The following FOXP1 variants were observed in gnomAD, a reference collection of about 807,000 sequenced individuals.
FOXP1 encodes the protein forkhead box P1, also known as forkhead box protein P1.
Under a neutral mutation model 98.2 loss-of-function variants are expected in FOXP1, and 15 were observed. That is an observed-to-expected ratio of 0.15 (90% CI 0.10 to 0.24). FOXP1 has a LOEUF of 0.24. Among genes scored for constraint, FOXP1 ranks in the 10% least tolerant of loss-of-function variants. FOXP1 has a pLI of 1.00. For missense variants in FOXP1, 633 were observed against 848.5 expected (o/e 0.75, Z 3.15); for synonymous variants, 371 against 314.5 (o/e 1.18, Z -1.90).
chr3:71,095,248 T>TA (rs34794181), intron 7 of FOXP1, among the ~76,000 whole-genome samples: 3 of 152,208 alleles, frequency 2.0e-5, no homozygotes, highest in South Asian at 4.1e-4. Flanking sequence ...TAAATTGTGT[T>TA]AAAAAAAATA....
intron 7 of FOXP1, among the ~76,000 whole-genome samples, chr3:71,076,821 C>T (rs779979043): frequency 2.6e-5 from 4 of 152,168 alleles, no homozygotes; most frequent in Non-Finnish European, 5.9e-5. Flanking sequence ...GGGTCAAACA[C>T]ACATACATAG....
intron 3 of FOXP1, among the ~76,000 whole-genome samples, chr3:71,393,112 A>AATT: frequency 6.6e-6 from 1 of 152,186 alleles, no homozygotes; most frequent in East Asian, 1.9e-4. Context: ...TTTCTTATTT[A>AATT]ATTATAAAAC....
At chr3:71,387,685 G>C (rs9875797) in intron 3 of FOXP1, among the ~76,000 whole-genome samples, 5,189 of 152,296 alleles carry the variant, frequency 0.034, 307 homozygotes, top group African/African-American at 0.12. Context: ...ATATGCATGT[G>C]TGATGATTAC....
intron 13 of FOXP1, among the ~76,000 whole-genome samples, chr3:71,000,326 C>G (rs759865069): frequency 4.6e-5 from 7 of 150,992 alleles, no homozygotes; most frequent in Non-Finnish European, 1.0e-4. Flanking sequence ...TATATACACT[C>G]TACATTAATA....
chr3:71,072,969 T>C (rs928517080), intron 7 of FOXP1, among the ~76,000 whole-genome samples: 6 of 152,226 alleles, frequency 3.9e-5, no homozygotes, highest in Non-Finnish European at 8.8e-5. Flanking sequence ...AGAAAATGCG[T>C]CTAGCCTGCA....
At chr3:71,250,892 C>T (rs2068132148) in intron 5 of FOXP1, among the ~76,000 whole-genome samples, 1 of 152,016 alleles carries the variant, frequency 6.6e-6, no homozygotes, top group Non-Finnish European at 1.5e-5. Context: ...AACTGCGCCA[C>T]TGCACTCCAG....
intron 3 of FOXP1, among the ~76,000 whole-genome samples, chr3:71,400,530 G>T (rs989641107): frequency 6.6e-6 from 1 of 152,058 alleles, no homozygotes; most frequent in African/African-American, 2.4e-5. Flanking sequence ...GCTAATTTTT[G>T]TATGTTTAGT....
intron 6 of FOXP1, among the ~76,000 whole-genome samples, chr3:71,180,156 T>A (rs2062199179): frequency 6.6e-6 from 1 of 152,088 alleles, no homozygotes; most frequent in African/African-American, 2.4e-5. Flanking sequence ...CTTCTAAAGT[T>A]CTTGCTTAAA....
intron 2 of FOXP1, among the ~76,000 whole-genome samples, chr3:71,556,465 T>C (rs1393812847): frequency 6.6e-6 from 1 of 150,730 alleles, no homozygotes; most frequent in Non-Finnish European, 1.5e-5. Context: ...TAGTTCCAGC[T>C]ACTCGGGAGG....
At chr3:71,500,459 T>A (rs1256240649) in intron 2 of FOXP1, among the ~76,000 whole-genome samples, 1 of 152,166 alleles carries the variant, frequency 6.6e-6, no homozygotes, top group Non-Finnish European at 1.5e-5. Flanking sequence ...ACTTCCCCTC[T>A]TTGGGGATGA....
At chr3:71,278,769 G>C (rs1404526229) in intron 5 of FOXP1, among the ~76,000 whole-genome samples, 1 of 151,842 alleles carries the variant, frequency 6.6e-6, no homozygotes, top group Admixed American at 6.6e-5. Flanking sequence ...GCGACAGAGC[G>C]AGACTCCATC....
rs111890618 is a variant in FOXP1 at position 71,287,150 on chromosome 3, A to G, written c.-12+12670T>C. On this transcript the variant is annotated intron_variant, in intron 5 of 20. Coordinates refer to ENST00000649528, the MANE Select transcript of FOXP1 (RefSeq NM_001349338.3). ...AAGAGTACATACAGTAAAAGTATAT[A>G]TAGACAAATGTTTTTAAATATGCCA... 1.7e-3 allele frequency among the ~76,000 whole-genome samples: 255 copies of G among 152,338 alleles called. 1 individual carries two copies. The highest frequency in any genetic ancestry group is 5.8e-3 in the African/African-American group (243 of 41,564).
chr3:71,519,037 G>C (rs1484476557), intron 2 of FOXP1, among the ~76,000 whole-genome samples: 1 of 152,234 alleles, frequency 6.6e-6, no homozygotes, highest in African/African-American at 2.4e-5. Flanking sequence ...CCTGAGATCG[G>C]GAATTTGAGA....
chr3:71,476,695 G>T (rs1254260983), intron 3 of FOXP1, among the ~76,000 whole-genome samples: 1 of 149,806 alleles, frequency 6.7e-6, no homozygotes, highest in Non-Finnish European at 1.5e-5. Context: ...GTACAGATGG[G>T]GTTTCACCTT....
At chr3:71,320,663 T>C (rs554861456) in intron 4 of FOXP1, among the ~76,000 whole-genome samples, 1 of 152,308 alleles carries the variant, frequency 6.6e-6, no homozygotes, top group South Asian at 2.1e-4. Flanking sequence ...TGCTAAGCTC[T>C]ATCCCAGTCT....
intron 3 of FOXP1, among the ~76,000 whole-genome samples, chr3:71,469,805 A>T (rs752502753): frequency 1.1e-4 from 17 of 152,172 alleles, no homozygotes; most frequent in Non-Finnish European, 1.9e-4. Context: ...CTCAAATATC[A>T]GTTCCCCCCC....
intron 20 of FOXP1, among the ~76,000 whole-genome samples, chr3:70,961,251 G>C (rs2033408547): frequency 6.6e-6 from 1 of 151,570 alleles, no homozygotes; most frequent in South Asian, 2.1e-4. Flanking sequence ...TATTTATTGA[G>C]ACATAGTCGT....
At chr3:70,983,937 A>G (rs2039307792) in intron 14 of FOXP1, among the ~76,000 whole-genome samples, 1 of 152,244 alleles carries the variant, frequency 6.6e-6, no homozygotes, top group African/African-American at 2.4e-5. Flanking sequence ...CGGAGAAATT[A>G]ACCTCCAAGC....
At chr3:71,029,643 G>T (rs1003275589) in intron 11 of FOXP1, among the ~76,000 whole-genome samples, 2 of 152,006 alleles carry the variant, frequency 1.3e-5, no homozygotes, top group Non-Finnish European at 2.9e-5. Context: ...CACCCGCCTC[G>T]GCCTCCCAAA....
Sources: gnomAD v4.1 joint callset for allele counts (sites outside exome capture counted in the v4.1 genomes callset) on GRCh38, gnomAD v4.1.1 for gene constraint, MANE v1.5 for transcripts, NCBI Gene and HGNC (gene_info 2026-07-23, HGNC 2026-07-21) for gene names.